Variants in ACTN4 observed in about 807,000 individuals in gnomAD.
The protein encoded by ACTN4 is alpha-actinin-4.
Under a neutral mutation model 114.2 loss-of-function variants are expected in ACTN4, and 18 were observed. The observed-to-expected ratio is 0.16, with a 90% CI of 0.11 to 0.23. The LOEUF is 0.23. ACTN4 is among the 10% of genes least tolerant of loss of function. The pLI is 1.00. For synonymous variants in ACTN4, 515 were observed against 506.3 expected (o/e 1.02, Z -0.23); for missense variants, 722 against 1,262.9 (o/e 0.57, Z 6.49).
chr19:38,716,751 G>A (rs1313230333), intron 9 of ACTN4, among the ~76,000 whole-genome samples: 1 of 152,240 alleles, frequency 6.6e-6, no homozygotes, highest in East Asian at 1.9e-4. Context: ...GTGGAAGGAT[G>A]GCTTCAGCCC....
intron 1 of ACTN4, among the ~76,000 whole-genome samples, chr19:38,686,029 G>A (rs1269248716): frequency 6.6e-6 from 1 of 152,202 alleles, no homozygotes; most frequent in African/African-American, 2.4e-5. Flanking sequence ...AAACAGGAGT[G>A]TTTGCCCTGC....
chr19:38,696,648 C>T (rs911145477), intron 1 of ACTN4, among the ~76,000 whole-genome samples: 1 of 152,168 alleles, frequency 6.6e-6, no homozygotes, highest in Admixed American at 6.6e-5. Context: ...TGCAGGCTCT[C>T]CTCACCAGAG....
At chr19:38,698,117 G>A (rs747603850) in intron 1 of ACTN4, among the ~76,000 whole-genome samples, 33 of 152,192 alleles carry the variant, frequency 2.2e-4, no homozygotes, top group African/African-American at 8.0e-4. Context: ...ACACTGTGGA[G>A]GGGGTGGGCA....
chr19:38,714,813 C>G (rs1216652788), intron 9 of ACTN4, among the ~76,000 whole-genome samples: 1 of 152,234 alleles, frequency 6.6e-6, no homozygotes, highest in African/African-American at 2.4e-5. Flanking sequence ...TACAGAGATG[C>G]TCAGGGACAG....
In ACTN4 at chr19:38,724,002, C is replaced by G; in HGVS notation, c.1617C>G (p.Pro539=). The G allele has an allele frequency of 1.9e-6, 3 of 1,613,890 alleles. No individual in the cohort carries two copies. Among genetic ancestry groups the G allele is most frequent in the Non-Finnish European group, 2.5e-6 (3 of 1,180,004 alleles). Residue 539 remains proline, a synonymous_variant, in exon 14 of 21, where the codon CCC becomes CCG. Coordinates refer to ENST00000252699, the MANE Select transcript of ACTN4 (RefSeq NM_004924.6). The surrounding 1 kb of genome is among the most constrained non-coding windows in gnomAD (Gnocchi z 7.0). ...LHLEYAKRAA[P]FNNWMESAME... is the part of the protein sequence containing the mutation. ...TGGAATACGCCAAGCGCGCGGCCCC[C>G]TTCAACAACTGGATGGAGAGCGCCA...
At chr19:38,692,220 T>G (rs1419128976) in intron 1 of ACTN4, among the ~76,000 whole-genome samples, 2 of 152,228 alleles carry the variant, frequency 1.3e-5, no homozygotes, top group Admixed American at 6.5e-5. Context: ...TATGTCGTCA[T>G]GTAACAGGCA....
Position 38,729,417 on chromosome 19 carries a change from C to A in ACTN4, c.2721C>A (p.Gly907=), listed in dbSNP as rs759679292. 17 of 1,612,674 alleles carry A rather than the reference C, an allele frequency of 1.1e-5. No individual in the cohort carries two copies. In the South Asian group the frequency reaches 1.5e-4, roughly 15 times the overall value. The change falls in exon 21 of 21, where the codon GGC becomes GGA. Residue 907 remains glycine, a synonymous_variant. Coordinates refer to ENST00000252699, the MANE Select transcript of ACTN4 (RefSeq NM_004924.6). ...AGTCCTTCTCCACGGCCTTGTATGG[C>A]GAGAGCGACCTGTGAGGCCCCAGAG... ...DYKSFSTALY[G]ESDL is the part of the protein sequence containing the mutation.
intron 1 of ACTN4, among the ~76,000 whole-genome samples, chr19:38,682,066 A>G (rs1440621233): frequency 6.6e-6 from 1 of 152,168 alleles, no homozygotes; most frequent in African/African-American, 2.4e-5. Flanking sequence ...CCTGGCCTCA[A>G]GTGATCCACC....
At chr19:38,708,529 G>A (rs1384442482) in intron 6 of ACTN4, among the ~76,000 whole-genome samples, 1 of 152,220 alleles carries the variant, frequency 6.6e-6, no homozygotes, top group Non-Finnish European at 1.5e-5. Context: ...AGGGGCAGAG[G>A]GCAAGGAATT....
chr19:38,647,660 A>AGCGGCGGTAGCG lies in ACTN4; in HGVS notation c.-78_-67dup. On this transcript the variant is annotated 5_prime_UTR_variant, in exon 1 of 21. Coordinates refer to ENST00000252699, the MANE Select transcript of ACTN4 (RefSeq NM_004924.6). ...GCGGAGGGCGGGCTGAAGCAGCTGA[A>AGCGGCGGTAGCG]GCGGCGGTAGCGGCGGCGGCTCGGG... The AGCGGCGGTAGCG allele has an allele frequency of 2.0e-6, 3 of 1,465,190 alleles. No individual in the cohort carries two copies. The highest frequency in any genetic ancestry group is 1.5e-5 in the African/African-American group (1 of 67,770). 90.8% of individuals were successfully genotyped at this position (1,465,190 alleles called of 1,614,324 possible).
chr19:38,728,356 T>C, intron 19 of ACTN4: 1 of 1,426,424 alleles, frequency 7.0e-7, no homozygotes. Flanking sequence ...TTCAGGGCTC[T>C]GCTTATCTCC....
intron 1 of ACTN4, among the ~76,000 whole-genome samples, chr19:38,687,646 G>A (rs1291422030): frequency 6.6e-6 from 1 of 152,162 alleles, no homozygotes; most frequent in African/African-American, 2.4e-5. Flanking sequence ...AAACGGATCA[G>A]ATACCTAAAT....
At chr19:38,668,057 C>G (rs560598905) in intron 1 of ACTN4, among the ~76,000 whole-genome samples, 2 of 152,262 alleles carry the variant, frequency 1.3e-5, no homozygotes, top group Non-Finnish European at 1.5e-5. Flanking sequence ...CAAATAAACC[C>G]TGGGTGATTA....
chr19:38,653,096 A>G (rs1337832896), intron 1 of ACTN4, among the ~76,000 whole-genome samples: 1 of 151,696 alleles, frequency 6.6e-6, no homozygotes, highest in Non-Finnish European at 1.5e-5. Flanking sequence ...AAAAAAAAAA[A>G]AAAAAATCAG....
At chr19:38,707,001 G>A (rs945720364) in intron 5 of ACTN4, among the ~76,000 whole-genome samples, 11 of 152,176 alleles carry the variant, frequency 7.2e-5, no homozygotes, top group Admixed American at 2.0e-4. Flanking sequence ...GGTCAGATCC[G>A]GTTTGCCTTG....
chr19:38,701,269 A>G (rs890778308), intron 3 of ACTN4, 148 bp downstream of exon 3: 8 of 1,342,194 alleles, frequency 6.0e-6, no homozygotes, highest in Non-Finnish European at 8.1e-6. Context: ...CAGTGATCAC[A>G]ACAACTGCTC....
chr19:38,675,882 G>A (rs142234105), intron 1 of ACTN4, among the ~76,000 whole-genome samples: 7 of 152,328 alleles, frequency 4.6e-5, no homozygotes, highest in African/African-American at 1.7e-4. Flanking sequence ...GAGGCTGCCC[G>A]CAGCTCTCGC....
In ACTN4 at chr19:38,730,932, C is replaced by T. The variant is rs1006353394; in HGVS notation, c.*1500C>T. On this transcript the variant is annotated 3_prime_UTR_variant, in exon 21 of 21. Transcript: ENST00000252699. ...GAGGCAGGGAGCTCGCAGGACAGAG[C>T]CTGAGCCACCCTGTCCCTCCCACCT... 3.9e-6 allele frequency: 6 copies of T among 1,550,322 alleles called. No individual in the cohort carries two copies. The African/African-American group carries it at 8.2e-5, about 21-fold the overall frequency.
chr19:38,680,894 G>A (rs1221427229), intron 1 of ACTN4, among the ~76,000 whole-genome samples: 1 of 152,112 alleles, frequency 6.6e-6, no homozygotes, highest in Non-Finnish European at 1.5e-5. Context: ...GGGAGGCCAA[G>A]GCGGGTAGAT....
Sources: gnomAD v4.1 joint callset for allele counts (sites outside exome capture counted in the v4.1 genomes callset) on GRCh38, gnomAD v4.1.1 for gene constraint, Gnocchi (gnomAD v3.1) non-coding constraint, MANE v1.5 for transcripts, NCBI Gene and HGNC (gene_info 2026-07-23, HGNC 2026-07-21) for gene names.